GPM6A: variants seen among roughly 807,000 people sequenced by gnomAD.
The protein encoded by GPM6A is neuronal membrane glycoprotein M6-a.
A neutral mutation model predicts 32.1 loss-of-function variants in GPM6A; 7 were observed. The ratio of observed to expected loss-of-function variants is 0.22; its 90% CI spans 0.12 to 0.41. GPM6A has a LOEUF of 0.41. Among genes scored for constraint, GPM6A ranks in the 10% least tolerant of loss-of-function variants. GPM6A has a pLI of 1.00. For missense variants in GPM6A, 235 were observed against 347.2 expected (o/e 0.68, Z 2.57); for synonymous variants, 130 against 123.4 (o/e 1.05, Z -0.35).
At position 175,789,173 on chromosome 4, in the gene GPM6A, G is replaced by A. The variant is rs956983408; in HGVS notation, c.37+23018C>T. ...GCAGAACAAAGATGATATTTAATAC[G>A]TCTTCTTTTTAAAAGTGCTATAATG... On this transcript the variant is annotated intron_variant, in intron 1 of 6. Transcript: ENST00000393658. Among the ~76,000 whole-genome samples, 12 of 152,102 alleles carry A rather than the reference G, an allele frequency of 7.9e-5. No homozygotes were observed. The East Asian group carries it at 9.6e-4, about 12-fold the overall frequency.
At chr4:175,680,051 T>A (rs1743594748) in intron 2 of GPM6A, among the ~76,000 whole-genome samples, 1 of 152,206 alleles carries the variant, frequency 6.6e-6, no homozygotes, top group African/African-American at 2.4e-5. Context: ...TTAGGTCTTT[T>A]TATTGTATCA....
At chr4:175,641,066 T>G in intron 4 of GPM6A, 1 of 481,280 alleles carries the variant, frequency 2.1e-6, no homozygotes, top group East Asian at 3.7e-5. Context: ...TGAATTCAAT[T>G]GAATCTCACC....
intron 1 of GPM6A, among the ~76,000 whole-genome samples, chr4:175,963,873 A>T (rs1467567844): frequency 6.6e-6 from 1 of 152,216 alleles, no homozygotes; most frequent in Non-Finnish European, 1.5e-5. Flanking sequence ...AATTTGGAAT[A>T]ATCAGTTACA....
At chr4:175,981,715 A>G (rs1183797584) in intron 1 of GPM6A, among the ~76,000 whole-genome samples, 9 of 152,132 alleles carry the variant, frequency 5.9e-5, no homozygotes, top group Admixed American at 4.6e-4. Context: ...TTGAGTCAAC[A>G]TACATTTTTA....
At chr4:175,921,488 CA>C (rs981322280) in intron 1 of GPM6A, among the ~76,000 whole-genome samples, 8 of 142,494 alleles carry the variant, frequency 5.6e-5, no homozygotes, top group Admixed American at 2.2e-4. Context: ...ATGATCCTGC[CA>C]AAAAAAAATC....
At chr4:175,738,464 C>A (rs1731752186) in intron 1 of GPM6A, among the ~76,000 whole-genome samples, 1 of 151,938 alleles carries the variant, frequency 6.6e-6, no homozygotes, top group African/African-American at 2.4e-5. Flanking sequence ...AATATGTTTT[C>A]TTAAAACCAT....
chr4:175,743,621 T>A (rs1156764889), intron 1 of GPM6A, among the ~76,000 whole-genome samples: 1 of 151,180 alleles, frequency 6.6e-6, no homozygotes, highest in Non-Finnish European at 1.5e-5. Flanking sequence ...AATTTAAAAA[T>A]AACTTTTACA....
At chr4:175,994,825 C>T (rs1019662931) in intron 1 of GPM6A, among the ~76,000 whole-genome samples, 1 of 152,190 alleles carries the variant, frequency 6.6e-6, no homozygotes, top group Non-Finnish European at 1.5e-5. Flanking sequence ...GCATTTTACT[C>T]ATAGTAGAAC....
At chr4:175,684,648 A>G (rs1333106822) in intron 2 of GPM6A, among the ~76,000 whole-genome samples, 1 of 152,046 alleles carries the variant, frequency 6.6e-6, no homozygotes, top group Non-Finnish European at 1.5e-5. Context: ...CTTTGCTGCA[A>G]TGATTTTTAG....
In GPM6A at chr4:175,903,153, G is replaced by A. The variant is rs574622427; in HGVS notation, c.-22-90904C>T. 2.6e-5 allele frequency among the ~76,000 whole-genome samples: 4 copies of A among 152,136 alleles called. No individual in the cohort carries two copies. In the East Asian group the frequency reaches 7.8e-4, roughly 30 times the overall value. On this transcript the variant is annotated intron_variant, in intron 1 of 7. Transcript: ENST00000280187. ...AAATAATGATAAGCTGGAATCTCTT[G>A]TTGCAACAGAGAGTGACAAAAGTTT...
chr4:175,738,254 C>G (rs1417835056), intron 1 of GPM6A, among the ~76,000 whole-genome samples: 1 of 151,984 alleles, frequency 6.6e-6, no homozygotes, highest in African/African-American at 2.4e-5. Flanking sequence ...ACTTCTAACA[C>G]TGGGGATTAC....
rs200488295 is a variant in GPM6A, at chr4:175,694,602, T to C, written c.230+6973A>G. On this transcript the variant is annotated intron_variant, in intron 2 of 6. Transcript: ENST00000393658. ...TGTGACCTGGCTGTTTCTAACAAGC[T>C]TGTGTTCATATTCACAACCAAAGAA... Among the ~76,000 whole-genome samples, 3 of 152,182 alleles carry C rather than the reference T, an allele frequency of 2.0e-5. No homozygotes were observed. The East Asian group carries it at 5.8e-4, about 29-fold the overall frequency.
At chr4:175,637,390 AATAAT>A (rs1270734470) in intron 6 of GPM6A, among the ~76,000 whole-genome samples, 6 of 96,786 alleles carry the variant, frequency 6.2e-5, no homozygotes, top group Non-Finnish European at 1.1e-4. Flanking sequence ...TATAATATAT[AATAAT>A]ATAATATAGT....
At chr4:175,645,000 T>C (rs1741374367) in intron 4 of GPM6A, among the ~76,000 whole-genome samples, 1 of 152,048 alleles carries the variant, frequency 6.6e-6, no homozygotes, top group Non-Finnish European at 1.5e-5. Context: ...CTTGGGAGGC[T>C]AAGGCAGGAG....
intron 1 of GPM6A, among the ~76,000 whole-genome samples, chr4:175,703,720 C>CA (rs1745004921): frequency 6.6e-6 from 1 of 152,124 alleles, no homozygotes; most frequent in Non-Finnish European, 1.5e-5. Flanking sequence ...ATATGTTTTG[C>CA]AAGAGCAAAT....
At chr4:175,787,247 A>G in intron 1 of GPM6A, 1 of 753,110 alleles carries the variant, frequency 1.3e-6, no homozygotes, top group Non-Finnish European at 2.3e-6. Flanking sequence ...AATGTATTTA[A>G]TGAGGCATGC....
intron 3 of GPM6A, among the ~76,000 whole-genome samples, chr4:175,656,058 A>G (rs1043583723): frequency 6.6e-6 from 1 of 152,112 alleles, no homozygotes; most frequent in Non-Finnish European, 1.5e-5. Flanking sequence ...GGAAGGGAAG[A>G]TAAGTTCTGT....
chr4:175,716,151 T>C (rs576683699), intron 1 of GPM6A, among the ~76,000 whole-genome samples: 1 of 152,346 alleles, frequency 6.6e-6, no homozygotes, highest in Non-Finnish European at 1.5e-5. Context: ...TCAGTTAATA[T>C]TTGTTGAATA....
At chr4:175,672,559 T>C (rs1400348522) in intron 3 of GPM6A, among the ~76,000 whole-genome samples, 4 of 152,228 alleles carry the variant, frequency 2.6e-5, no homozygotes, top group African/African-American at 9.6e-5. Flanking sequence ...TTTTATTTTT[T>C]CATCAATCCA....
Sources: allele counts gnomAD v4.1 joint callset (sites outside exome capture counted in the v4.1 genomes callset), GRCh38; gene constraint gnomAD v4.1.1; transcripts MANE v1.5; gene names NCBI Gene and HGNC (gene_info 2026-07-23, HGNC 2026-07-21).